KIFAP3: variants seen among roughly 807,000 people sequenced by gnomAD.
The protein encoded by KIFAP3 is kinesin associated protein 3.
KIFAP3 carries 68 observed loss-of-function variants against 106.5 expected under a neutral mutation model. The observed-to-expected ratio is 0.64, with a 90% CI of 0.53 to 0.78. The LOEUF (loss-of-function observed/expected upper bound fraction) is 0.78, where lower values mean the gene tolerates loss of function less well. Among genes scored for constraint, KIFAP3 ranks in the 30% least tolerant of loss-of-function variants. The probability of loss-of-function intolerance (pLI) is 0.00; values close to 1 mark genes in which losing one functional copy is unlikely to be tolerated. For synonymous variants in KIFAP3, 320 were observed against 311.5 expected (o/e 1.03, Z -0.29); for missense variants, 780 against 941.8 (o/e 0.83, Z 2.25).
intron 19 of KIFAP3, among the ~76,000 whole-genome samples, chr1:169,931,581 T>C (rs1203099265): frequency 1.3e-5 from 2 of 152,232 alleles, no homozygotes; most frequent in African/African-American, 4.8e-5. Flanking sequence ...TATCAAGCAA[T>C]GCTTCATTTC....
chr1:170,062,220 A>G (rs1412254051), intron 1 of KIFAP3, among the ~76,000 whole-genome samples: 1 of 151,632 alleles, frequency 6.6e-6, no homozygotes, highest in African/African-American at 2.4e-5. Flanking sequence ...ACCATCAAAA[A>G]AAAAAAAAAG....
chr1:170,021,785 T>C (rs139859057), intron 9 of KIFAP3, among the ~76,000 whole-genome samples: 73 of 152,098 alleles, frequency 4.8e-4, no homozygotes, highest in Middle Eastern at 6.8e-3. Flanking sequence ...ATGTGAAATA[T>C]GTGCAATTAG....
intron 8 of KIFAP3, among the ~76,000 whole-genome samples, chr1:170,027,253 C>T (rs1669164025): frequency 6.6e-6 from 1 of 152,078 alleles, no homozygotes; most frequent in South Asian, 2.1e-4. Flanking sequence ...CTCCTGACCC[C>T]AGGTGATCTG....
chr1:170,043,295 A>G (rs1439845165), intron 3 of KIFAP3, among the ~76,000 whole-genome samples: 1 of 152,206 alleles, frequency 6.6e-6, no homozygotes, highest in Non-Finnish European at 1.5e-5. Context: ...CCCACTGCTC[A>G]CTATTAAACA....
rs1189490236 is a variant in KIFAP3 at position 170,038,271 on chromosome 1, CAT to C, written c.517+17_517+18del. The C allele has an allele frequency of 8.5e-6, 13 of 1,537,562 alleles. No individual in the cohort carries two copies. The highest frequency in any genetic ancestry group is 1.0e-5 in the Non-Finnish European group (12 of 1,145,440). ...AACTTATTCCTCTATTATAATTAAA[CAT>C]GTTTTATAGTAATCACCATTCAATA... On this transcript the variant is annotated intron_variant, in intron 5 of 19. Transcript: ENST00000361580.
At chr1:170,081,268 T>G (rs12143204) in intron 1 of KIFAP3, among the ~76,000 whole-genome samples, 9,651 of 152,276 alleles carry the variant, frequency 0.063, 391 homozygotes, top group Non-Finnish European at 0.095. Context: ...GAGATACATC[T>G]CTAGCTAATA....
intron 1 of KIFAP3, among the ~76,000 whole-genome samples, chr1:170,081,299 T>A (rs1297295113): frequency 1.3e-5 from 2 of 152,226 alleles, no homozygotes; most frequent in African/African-American, 4.8e-5. Flanking sequence ...GACTCAACTT[T>A]ATTAGTTATC....
chr1:169,946,839 C>A (rs2101826415), intron 19 of KIFAP3, among the ~76,000 whole-genome samples: 1 of 151,960 alleles, frequency 6.6e-6, no homozygotes, highest in East Asian at 1.9e-4. Flanking sequence ...GTAATTGGGA[C>A]AGCTACTATG....
chr1:170,053,737 TG>T (rs1670696604), intron 2 of KIFAP3, among the ~76,000 whole-genome samples: 1 of 151,940 alleles, frequency 6.6e-6, no homozygotes, highest in African/African-American at 2.4e-5. Context: ...AAACAAGAAA[TG>T]GGGAAAGGAT....
Position 170,074,572 on chromosome 1 carries a change from A to C in KIFAP3, c.-105T>G. Reference sequence around the variant, plus strand: ...TACCCTCACACCCAGAGGCGATGACAGTCCTGAGGCCTGCAAGGCGGGGCA... The same window carrying C: ...TACCCTCACACCCAGAGGCGATGACCGTCCTGAGGCCTGCAAGGCGGGGCA... On this transcript the variant is annotated 5_prime_UTR_variant, in exon 1 of 20. Coordinates refer to ENST00000361580, the MANE Select transcript of KIFAP3 (RefSeq NM_014970.4). 1 of 1,581,832 alleles carries C rather than the reference A, an allele frequency of 6.3e-7. No homozygotes were observed. The highest frequency in any genetic ancestry group is 1.3e-5 in the African/African-American group (1 of 74,280).
At chr1:169,942,129 C>T (rs1396762130) in intron 19 of KIFAP3, among the ~76,000 whole-genome samples, 1 of 152,102 alleles carries the variant, frequency 6.6e-6, no homozygotes, top group African/African-American at 2.4e-5. Flanking sequence ...TCCTTAAGTA[C>T]TGTGGTGTCT....
intron 1 of KIFAP3, among the ~76,000 whole-genome samples, chr1:170,064,613 C>T (rs1315489002): frequency 6.6e-6 from 1 of 152,182 alleles, no homozygotes; most frequent in Admixed American, 6.5e-5. Context: ...CTCAGCCTCC[C>T]AAAGTGCTGG....
At chr1:169,982,993 A>C in intron 13 of KIFAP3, 126 bp from the exon 14 acceptor site, 1 of 659,158 alleles carries the variant, frequency 1.5e-6, no homozygotes, top group South Asian at 4.9e-5. Context: ...TCTTGTTTTA[A>C]TAATCTTGAG....
At chr1:169,980,002 C>T (rs553602853) in intron 15 of KIFAP3, among the ~76,000 whole-genome samples, 1 of 151,962 alleles carries the variant, frequency 6.6e-6, no homozygotes, top group Non-Finnish European at 1.5e-5. Flanking sequence ...TAAGGTAGAA[C>T]AAAATAAACT....
intron 2 of KIFAP3, among the ~76,000 whole-genome samples, chr1:170,048,667 GTGGGTACAACCCA>G (rs1220439066): frequency 7.9e-5 from 12 of 151,650 alleles, no homozygotes; most frequent in Admixed American, 2.0e-4. Context: ...TGGTTAGGCA[GTGGGTACAACCCA>G]TGGAGAGCAA....
At chr1:170,015,596 T>C (rs970724052) in intron 10 of KIFAP3, among the ~76,000 whole-genome samples, 2 of 152,140 alleles carry the variant, frequency 1.3e-5, no homozygotes, top group African/African-American at 4.8e-5. Context: ...ATTTACTTTC[T>C]GGTTAAGAAA....
At chr1:169,976,606 T>C (rs1196139224) in intron 16 of KIFAP3, among the ~76,000 whole-genome samples, 1 of 152,216 alleles carries the variant, frequency 6.6e-6, no homozygotes, top group African/African-American at 2.4e-5. Context: ...TACTGTTAGC[T>C]GTTAAGGCAG....
At chr1:170,002,031 G>A (rs1392690272) in intron 10 of KIFAP3, among the ~76,000 whole-genome samples, 1 of 152,082 alleles carries the variant, frequency 6.6e-6, no homozygotes, top group Non-Finnish European at 1.5e-5. Context: ...ACATATGACA[G>A]AATGGTCAAA....
intron 19 of KIFAP3, among the ~76,000 whole-genome samples, chr1:169,952,677 A>T (rs893677490): frequency 1.3e-5 from 2 of 152,090 alleles, no homozygotes; most frequent in African/African-American, 4.8e-5. Context: ...TTGCTCCATC[A>T]TCCTACTTGT....
Sources: allele counts gnomAD v4.1 joint callset (sites outside exome capture counted in the v4.1 genomes callset), GRCh38; gene constraint gnomAD v4.1.1; transcripts MANE v1.5; gene names NCBI Gene and HGNC (gene_info 2026-07-23, HGNC 2026-07-21).